ZMYM2: variants seen among roughly 807,000 people sequenced by gnomAD.
The protein encoded by ZMYM2 is zinc finger MYM-type containing 2, also known as zinc finger MYM-type protein 2.
A neutral mutation model predicts 162.8 loss-of-function variants in ZMYM2; 56 were observed. The ratio of observed to expected loss-of-function variants is 0.34; its 90% CI spans 0.28 to 0.43. ZMYM2 has a LOEUF of 0.43. Among genes scored for constraint, ZMYM2 ranks in the 20% least tolerant of loss-of-function variants. ZMYM2 has a pLI of 1.00. For missense variants in ZMYM2, 1,275 were observed against 1,621.8 expected, an observed-to-expected ratio of 0.79 and a Z score of 3.67; for synonymous variants, 510 against 541.6, an observed-to-expected ratio of 0.94 and a Z score of 0.81.
rs374965922 is a variant in ZMYM2 at position 19,966,730 on chromosome 13, C to T, written c.-11+6704C>T. Among the ~76,000 whole-genome samples, 54 of 152,232 alleles carry T rather than the reference C, an allele frequency of 3.5e-4. 1 individual carries two copies. In the East Asian group the frequency reaches 8.3e-3, roughly 23 times the overall value. ...TGCTGGGATTATGGTCGTGAGCCACCGCGCCCAGCCTGCTTGTTTTTTTAC... is the reference window on the plus strand; with the variant it reads ...TGCTGGGATTATGGTCGTGAGCCACTGCGCCCAGCCTGCTTGTTTTTTTAC... On this transcript the variant is annotated intron_variant, in intron 2 of 24. Coordinates refer to ENST00000610343, the MANE Select transcript of ZMYM2 (RefSeq NM_197968.4).
chr13:19,951,287 C>G, the ZMYM2 span, among the ~76,000 whole-genome samples: 1 of 152,096 alleles, frequency 6.6e-6, no homozygotes. Context: ...AGTGAAGAGA[C>G]AACCTATGAA....
At chr13:19,893,535 A>G in the ZMYM2 span, among the ~76,000 whole-genome samples, 1 of 151,860 alleles carries the variant, frequency 6.6e-6, no homozygotes, top group Non-Finnish European at 1.5e-5. Context: ...GTCAGGAGTT[A>G]GAAATCAGCC....
chr13:20,060,118 T>A (rs1464070346), intron 16 of ZMYM2, among the ~76,000 whole-genome samples: 2 of 152,204 alleles, frequency 1.3e-5, no homozygotes, highest in Non-Finnish European at 2.9e-5. Flanking sequence ...TGAGTATGCA[T>A]AGACTTTGGT....
At position 20,086,771 on chromosome 13, in the gene ZMYM2, G is replaced by GTATGTA. The variant is rs1555334896; in HGVS notation, c.*760_*761insGTATAT. On this transcript the variant is annotated 3_prime_UTR_variant, in exon 25 of 25. Transcript: ENST00000610343. ...TATATATATGTATGTATGTGTGTGT[G>GTATGTA]TATATATATATATATATATATATAT... The GTATGTA allele has an allele frequency of 7.5e-6, 1 of 133,794 alleles. No homozygotes were observed. Among genetic ancestry groups the GTATGTA allele is most frequent in the East Asian group, 2.2e-4 (1 of 4,538 alleles). 8.3% of individuals were successfully genotyped at this position (133,794 alleles called of 1,614,324 possible).
chr13:19,978,989 A>G (rs1957044023), intron 2 of ZMYM2, among the ~76,000 whole-genome samples: 2 of 151,830 alleles, frequency 1.3e-5, no homozygotes, highest in South Asian at 4.1e-4. Flanking sequence ...TTATTTTTGG[A>G]GGGATGTTTT....
chr13:20,019,654 C>G (rs765143430), intron 7 of ZMYM2, 36 bp downstream of exon 7: 1 of 1,538,670 alleles, frequency 6.5e-7, no homozygotes, highest in Non-Finnish European at 8.9e-7. Context: ...AAGGCCTTAA[C>G]ATTTTTGAGC....
chr13:20,040,968 T>C (rs941308243), intron 12 of ZMYM2, among the ~76,000 whole-genome samples: 1 of 152,174 alleles, frequency 6.6e-6, no homozygotes, highest in Non-Finnish European at 1.5e-5. Context: ...TCCAAGAGAC[T>C]TTTGGTTATG....
chr13:19,889,239 G>A, the ZMYM2 span, among the ~76,000 whole-genome samples: 2 of 151,920 alleles, frequency 1.3e-5, no homozygotes, highest in East Asian at 3.9e-4. Context: ...AAAACCCTTG[G>A]GGTTTCCGAT....
chr13:19,915,597 G>C, the ZMYM2 span, among the ~76,000 whole-genome samples: 1,407 of 151,852 alleles, frequency 9.3e-3, 24 homozygotes, highest in African/African-American at 0.03. Context: ...TCCGCCCCCC[G>C]GGTTCAAGCA....
At chr13:20,025,159 A>G (rs1028393478) in intron 7 of ZMYM2, 5 of 206,464 alleles carry the variant, frequency 2.4e-5, no homozygotes, top group East Asian at 7.4e-5. Context: ...ATTGTTATCT[A>G]TAACACCTAT....
intron 2 of ZMYM2, among the ~76,000 whole-genome samples, chr13:19,970,237 A>G (rs1956181087): frequency 6.6e-6 from 1 of 152,160 alleles, no homozygotes; most frequent in Non-Finnish European, 1.5e-5. Flanking sequence ...GTGTAGTTGA[A>G]GTTTATTTAT....
the ZMYM2 span, among the ~76,000 whole-genome samples, chr13:19,871,960 A>T: frequency 1.4e-4 from 22 of 151,964 alleles, no homozygotes; most frequent in East Asian, 4.1e-3. Flanking sequence ...TCATGTATTT[A>T]TTATTATTAT....
At chr13:19,938,212 C>G in the ZMYM2 span, among the ~76,000 whole-genome samples, 1 of 152,122 alleles carries the variant, frequency 6.6e-6, no homozygotes, top group Non-Finnish European at 1.5e-5. Flanking sequence ...TTCTAGATCC[C>G]TGAAATAAAG....
intron 6 of ZMYM2, among the ~76,000 whole-genome samples, chr13:20,007,708 C>T (rs911666803): frequency 1.3e-5 from 2 of 150,252 alleles, no homozygotes; most frequent in African/African-American, 2.4e-5. Flanking sequence ...GCAACTTCCA[C>T]CTCCTGGGTT....
intron 21 of ZMYM2, among the ~76,000 whole-genome samples, chr13:20,075,669 C>CTTT: frequency 9.1e-6 from 1 of 109,326 alleles, no homozygotes; most frequent in Admixed American, 1.2e-4. Context: ...ACTATAGACA[C>CTTT]CTTTTTTTTT....
the ZMYM2 span, among the ~76,000 whole-genome samples, chr13:19,938,874 C>A: frequency 3.9e-5 from 6 of 152,062 alleles, no homozygotes; most frequent in Non-Finnish European, 8.8e-5. Flanking sequence ...CTTGTTCCTA[C>A]CTTACAAATC....
intron 24 of ZMYM2, among the ~76,000 whole-genome samples, chr13:20,084,499 T>C (rs1202630040): frequency 2.0e-5 from 3 of 152,224 alleles, no homozygotes; most frequent in Non-Finnish European, 2.9e-5. Context: ...GGCTGTGTTA[T>C]AATAAAACTT....
At chr13:20,074,015 T>C (rs1477879167) in intron 21 of ZMYM2, among the ~76,000 whole-genome samples, 2 of 152,142 alleles carry the variant, frequency 1.3e-5, no homozygotes, top group Non-Finnish European at 2.9e-5. Flanking sequence ...ATAATAACTC[T>C]CCATTTCCTT....
At chr13:20,050,081 G>T (rs1955178965) in intron 12 of ZMYM2, among the ~76,000 whole-genome samples, 3 of 151,926 alleles carry the variant, frequency 2.0e-5, no homozygotes, top group Non-Finnish European at 4.4e-5. Context: ...TTGTTACTGA[G>T]ATGATCACAT....
Sources: gnomAD v4.1 joint callset for allele counts (sites outside exome capture counted in the v4.1 genomes callset) on GRCh38, gnomAD v4.1.1 for gene constraint, MANE v1.5 for transcripts, NCBI Gene and HGNC (gene_info 2026-07-23, HGNC 2026-07-21) for gene names.